Variants in NEGR1 observed in about 807,000 individuals in gnomAD.
The protein encoded by NEGR1 is neuronal growth regulator 1.
A neutral mutation model predicts 40.9 loss-of-function variants in NEGR1; 10 were observed. That is an observed-to-expected ratio of 0.24 (90% CI 0.15 to 0.42). NEGR1 has a LOEUF of 0.42. Among genes scored for constraint, NEGR1 ranks in the 10% least tolerant of loss-of-function variants. NEGR1 has a pLI of 1.00. For synonymous variants in NEGR1, 185 were observed against 166.8 expected (o/e 1.11, Z -0.84); for missense variants, 352 against 438.9 (o/e 0.80, Z 1.77).
At chr1:71,772,401 C>A (rs1341638909) in intron 3 of NEGR1, among the ~76,000 whole-genome samples, 1 of 149,110 alleles carries the variant, frequency 6.7e-6, no homozygotes, top group African/African-American at 2.5e-5. Flanking sequence ...GAGACTTCAT[C>A]TCCAAAAAAC....
chr1:71,756,242 T>C (rs1190861514), intron 3 of NEGR1, among the ~76,000 whole-genome samples: 1 of 152,096 alleles, frequency 6.6e-6, no homozygotes, highest in African/African-American at 2.4e-5. Flanking sequence ...AAAAGTGTCA[T>C]CTAAGACTTT....
At chr1:71,698,549 T>G (rs1653565874) in intron 3 of NEGR1, among the ~76,000 whole-genome samples, 2 of 152,012 alleles carry the variant, frequency 1.3e-5, no homozygotes, top group East Asian at 1.9e-4. Context: ...AACTAAATGT[T>G]ACTTTTCTTT....
chr1:71,692,759 A>G (rs1653334545), intron 4 of NEGR1, among the ~76,000 whole-genome samples: 1 of 151,876 alleles, frequency 6.6e-6, no homozygotes, highest in African/African-American at 2.4e-5. Context: ...GCATATTTGC[A>G]TAAATGAATA....
At chr1:71,660,507 T>C (rs1425598454) in intron 4 of NEGR1, among the ~76,000 whole-genome samples, 1 of 152,116 alleles carries the variant, frequency 6.6e-6, no homozygotes, top group Non-Finnish European at 1.5e-5. Flanking sequence ...AAAAAGTCTC[T>C]TTACAGAGTT....
chr1:72,031,096 G>C (rs1317649969), intron 1 of NEGR1, among the ~76,000 whole-genome samples: 1 of 152,186 alleles, frequency 6.6e-6, no homozygotes, highest in African/African-American at 2.4e-5. Context: ...AAGAAAAAGA[G>C]AGAAAAATAT....
At chr1:71,588,160 G>T (rs1377769371) in intron 6 of NEGR1, among the ~76,000 whole-genome samples, 1 of 152,050 alleles carries the variant, frequency 6.6e-6, no homozygotes, top group African/African-American at 2.4e-5. Context: ...TAGATGGCAG[G>T]ATGGGACCAC....
At chr1:72,107,087 G>A (rs186802249) in intron 1 of NEGR1, among the ~76,000 whole-genome samples, 48 of 151,834 alleles carry the variant, frequency 3.2e-4, no homozygotes, top group African/African-American at 1.1e-3. Flanking sequence ...TCTTTAGGGT[G>A]AGAAATAATC....
At chr1:71,799,467 C>G (rs936378567) in intron 2 of NEGR1, among the ~76,000 whole-genome samples, 3 of 152,112 alleles carry the variant, frequency 2.0e-5, no homozygotes, top group African/African-American at 7.2e-5. Context: ...GGGTTGGTTC[C>G]AAGTCTTTGC....
At chr1:72,131,959 C>A (rs554641810) in intron 1 of NEGR1, among the ~76,000 whole-genome samples, 1 of 152,018 alleles carries the variant, frequency 6.6e-6, no homozygotes, top group Admixed American at 6.5e-5. Flanking sequence ...ATTAGCCAGG[C>A]GTGGTAGCAC....
chr1:72,095,608 C>T (rs569322278), intron 1 of NEGR1, among the ~76,000 whole-genome samples: 3 of 152,100 alleles, frequency 2.0e-5, no homozygotes, highest in East Asian at 1.9e-4. Flanking sequence ...TTTTGAAAGT[C>T]GAAACCTCTC....
At chr1:71,548,027 A>T (rs949937418) in intron 6 of NEGR1, among the ~76,000 whole-genome samples, 1 of 151,660 alleles carries the variant, frequency 6.6e-6, no homozygotes, top group Non-Finnish European at 1.5e-5. Flanking sequence ...AGCCACCCTG[A>T]GTGATCTTGG....
At chr1:71,754,238 G>C (rs1175180042) in intron 3 of NEGR1, among the ~76,000 whole-genome samples, 1 of 152,092 alleles carries the variant, frequency 6.6e-6, no homozygotes, top group Non-Finnish European at 1.5e-5. Context: ...CTCTGTGTTG[G>C]TCAAACAGAG....
At chr1:71,489,871 T>C (rs1282779576) in intron 6 of NEGR1, 3 of 151,908 alleles carry the variant, frequency 2.0e-5, no homozygotes, top group Non-Finnish European at 1.5e-5. Context: ...TGTTCTCAAT[T>C]CATCACAGAA....
chr1:72,143,695 T>TA (rs1051576969), intron 1 of NEGR1, among the ~76,000 whole-genome samples: 215 of 150,768 alleles, frequency 1.4e-3, no homozygotes, highest in African/African-American at 4.9e-3. Flanking sequence ...CTAAAACAGA[T>TA]ACTTTCCACT....
rs113738860 is a variant in NEGR1 at position 72,012,816 on chromosome 1, T to C, written c.177-77505A>G. On this transcript the variant is annotated intron_variant, in intron 1 of 6. Transcript: ENST00000357731. ...TAATGTGTGTGTGTATATATATATA[T>C]ACACACACACACACATATATACATA... Among the ~76,000 whole-genome samples the C allele has an allele frequency of 1.6e-3, 229 of 145,498 alleles. 1 individual carries two copies. Among genetic ancestry groups the C allele is most frequent in the East Asian group, 3.8e-3 (18 of 4,792 alleles).
At chr1:71,921,138 T>C (rs1570504447) in intron 2 of NEGR1, among the ~76,000 whole-genome samples, 1 of 152,240 alleles carries the variant, frequency 6.6e-6, no homozygotes, top group African/African-American at 2.4e-5. Context: ...TGTAATTAAT[T>C]TTAAATTTTG....
intron 1 of NEGR1, among the ~76,000 whole-genome samples, chr1:72,180,165 C>T (rs1652312487): frequency 6.6e-6 from 1 of 151,914 alleles, no homozygotes; most frequent in African/African-American, 2.4e-5. Flanking sequence ...CAGTATTTTA[C>T]TGGCACAAAA....
At chr1:72,252,913 G>A (rs561854237) in intron 1 of NEGR1, among the ~76,000 whole-genome samples, 8 of 152,276 alleles carry the variant, frequency 5.3e-5, no homozygotes, top group Non-Finnish European at 7.4e-5. Flanking sequence ...ATTACATTGC[G>A]AAGGAAAAAT....
At chr1:71,529,674 G>C (rs1647296606) in intron 6 of NEGR1, among the ~76,000 whole-genome samples, 1 of 151,078 alleles carries the variant, frequency 6.6e-6, no homozygotes, top group Non-Finnish European at 1.5e-5. Flanking sequence ...GGTTTAGTAA[G>C]AGATGGTAAG....
Sources: allele counts gnomAD v4.1 joint callset (sites outside exome capture counted in the v4.1 genomes callset), GRCh38; gene constraint gnomAD v4.1.1; transcripts MANE v1.5; gene names NCBI Gene and HGNC (gene_info 2026-07-23, HGNC 2026-07-21).